The following CEP112 variants were observed in gnomAD, a reference collection of about 807,000 sequenced individuals.
CEP112 encodes centrosomal protein of 112 kDa.
Under a neutral mutation model 153.0 loss-of-function variants are expected in CEP112, and 127 were observed. The observed-to-expected ratio is 0.83, with a 90% confidence interval of 0.72 to 0.96. CEP112 has a LOEUF of 0.96. Ranked by LOEUF, CEP112 falls within the 40% of genes least tolerant of loss-of-function variation. The probability of loss-of-function intolerance (pLI) is 0.00; values close to 1 mark genes in which losing one functional copy is unlikely to be tolerated. For synonymous variants in CEP112, 358 were observed against 374.4 expected (o/e 0.96, Z 0.51); for missense variants, 1,089 against 1,101.2 (o/e 0.99, Z 0.16).
At chr17:66,046,654 G>A (rs1598217853) in intron 12 of CEP112, among the ~76,000 whole-genome samples, 1 of 152,170 alleles carries the variant, frequency 6.6e-6, no homozygotes, top group African/African-American at 2.4e-5. Flanking sequence ...ACCTATGAGT[G>A]TGGCCTTATT....
intron 18 of CEP112, among the ~76,000 whole-genome samples, chr17:65,951,749 C>CCCCCCCCTG (rs71160510): frequency 1.9e-5 from 2 of 106,148 alleles, no homozygotes; most frequent in Non-Finnish European, 4.0e-5. Context: ...CCCCGCCCCC[C>CCCCCCCCTG]CCTTTCTTCC....
chr17:66,172,347 C>G (rs758960423), intron 4 of CEP112, among the ~76,000 whole-genome samples: 1 of 152,076 alleles, frequency 6.6e-6, no homozygotes, highest in African/African-American at 2.4e-5. Flanking sequence ...ATGGCGGGGT[C>G]GCCTAAACTG....
intron 21 of CEP112, among the ~76,000 whole-genome samples, chr17:65,755,398 A>G (rs111257477): frequency 5.4e-4 from 82 of 152,254 alleles, no homozygotes; most frequent in African/African-American, 1.7e-3. Flanking sequence ...CCTATGATCC[A>G]ACCACTTCCC....
intron 10 of CEP112, among the ~76,000 whole-genome samples, chr17:66,066,243 T>C (rs1172900684): frequency 6.6e-6 from 1 of 152,194 alleles, no homozygotes; most frequent in Non-Finnish European, 1.5e-5. Flanking sequence ...ACTTAATACT[T>C]GATTACATGC....
At chr17:65,681,961 T>C (rs2047554762) in intron 24 of CEP112, among the ~76,000 whole-genome samples, 1 of 151,926 alleles carries the variant, frequency 6.6e-6, no homozygotes, top group Non-Finnish European at 1.5e-5. Flanking sequence ...ATTACAGGCA[T>C]GAGTCACCAC....
chr17:66,131,142 C>T (rs1166352494), intron 5 of CEP112, among the ~76,000 whole-genome samples: 1 of 152,058 alleles, frequency 6.6e-6, no homozygotes. Context: ...TTTTTAAATG[C>T]ACTAAAATGT....
At chr17:66,149,624 A>G (rs1006691986) in intron 4 of CEP112, among the ~76,000 whole-genome samples, 1 of 152,044 alleles carries the variant, frequency 6.6e-6, no homozygotes, top group African/African-American at 2.4e-5. Flanking sequence ...ATGGTTGCTC[A>G]TAGTCCTCTC....
intron 17 of CEP112, among the ~76,000 whole-genome samples, chr17:65,976,037 G>A (rs979968028): frequency 6.6e-6 from 1 of 152,282 alleles, no homozygotes; most frequent in Non-Finnish European, 1.5e-5. Context: ...GCTCTTCAGC[G>A]CTTTCAACGA....
intron 18 of CEP112, among the ~76,000 whole-genome samples, chr17:65,943,173 G>A (rs1178668767): frequency 6.6e-6 from 1 of 152,142 alleles, no homozygotes; most frequent in Non-Finnish European, 1.5e-5. Context: ...TCTGTGCCTG[G>A]CTAAAGAACA....
chr17:65,905,331 A>C (rs2060029795), intron 19 of CEP112, among the ~76,000 whole-genome samples: 1 of 152,204 alleles, frequency 6.6e-6, no homozygotes, highest in African/African-American at 2.4e-5. Context: ...ATTTATGCAG[A>C]CAACAAACAT....
intron 23 of CEP112, among the ~76,000 whole-genome samples, chr17:65,726,213 C>T (rs1225437884): frequency 2.0e-5 from 3 of 151,872 alleles, no homozygotes; most frequent in Non-Finnish European, 4.4e-5. Context: ...GTGGTGGGTG[C>T]CTGTAATCCA....
At position 65,961,451 on chromosome 17, in the gene CEP112, C is replaced by T; in HGVS notation, c.1872+12G>A. 1.3e-6 allele frequency: 2 copies of T among 1,582,610 alleles called. No homozygotes were observed. Among genetic ancestry groups the T allele is most frequent in the Non-Finnish European group, 1.7e-6 (2 of 1,156,590 alleles). ...GTGACTTTCAAAAGGGATGGTGTGGCAGCCTCCTTACCTGCTCTTTCATTT... is the reference window on the plus strand; with the variant it reads ...GTGACTTTCAAAAGGGATGGTGTGGTAGCCTCCTTACCTGCTCTTTCATTT... On this transcript the variant is annotated intron_variant, in intron 18 of 26. Transcript: ENST00000535342.
chr17:66,082,886 A>C (rs747168333), intron 8 of CEP112, among the ~76,000 whole-genome samples: 3 of 151,942 alleles, frequency 2.0e-5, no homozygotes, highest in Non-Finnish European at 4.4e-5. Flanking sequence ...ATTAGGTTAA[A>C]TAACCATTAA....
At chr17:65,712,941 G>A (rs2144736435) in intron 23 of CEP112, among the ~76,000 whole-genome samples, 1 of 152,324 alleles carries the variant, frequency 6.6e-6, no homozygotes, top group Middle Eastern at 3.4e-3. Context: ...ATTGGCTAAT[G>A]TTGGGTCAGG....
intron 4 of CEP112, among the ~76,000 whole-genome samples, chr17:66,134,388 G>T (rs985175094): frequency 6.6e-6 from 1 of 152,060 alleles, no homozygotes; most frequent in Non-Finnish European, 1.5e-5. Flanking sequence ...ATCAACTACA[G>T]TATGACTTGC....
intron 21 of CEP112, among the ~76,000 whole-genome samples, chr17:65,839,179 C>T (rs986970362): frequency 4.0e-5 from 6 of 151,898 alleles, no homozygotes; most frequent in South Asian, 2.1e-4. Context: ...TACTAAAACC[C>T]GACAAGGACA....
intron 16 of CEP112, among the ~76,000 whole-genome samples, chr17:66,008,490 A>G (rs1178993958): frequency 6.6e-6 from 1 of 152,072 alleles, no homozygotes; most frequent in African/African-American, 2.4e-5. Flanking sequence ...GGTAGCTAGG[A>G]CTACAGGCAT....
intron 20 of CEP112, among the ~76,000 whole-genome samples, chr17:65,877,079 T>G (rs2058854836): frequency 6.6e-6 from 1 of 152,174 alleles, no homozygotes; most frequent in Admixed American, 6.5e-5. Context: ...TCTGCACGTG[T>G]GTGTGGCTAG....
chr17:65,798,354 G>GT (rs2055060751), intron 21 of CEP112, among the ~76,000 whole-genome samples: 1 of 152,160 alleles, frequency 6.6e-6, no homozygotes, highest in African/African-American at 2.4e-5. Context: ...ACTGGGGAAA[G>GT]GCTAGCTGGC....
Sources: allele counts gnomAD v4.1 joint callset (sites outside exome capture counted in the v4.1 genomes callset), GRCh38; gene constraint gnomAD v4.1.1; transcripts MANE v1.5; gene names NCBI Gene and HGNC (gene_info 2026-07-23, HGNC 2026-07-21).